The following DPY19L1 variants were observed in gnomAD, a reference collection of about 807,000 sequenced individuals.
The protein encoded by DPY19L1 is protein C-mannosyl-transferase DPY19L1.
In DPY19L1, 35 loss-of-function variants were observed where a neutral mutation model predicts 96.9. The observed-to-expected ratio is 0.36, with a 90% CI of 0.28 to 0.48. DPY19L1 has a LOEUF of 0.48. Among genes scored for constraint, DPY19L1 ranks in the 20% least tolerant of loss-of-function variants. DPY19L1 has a pLI of 0.99. For missense variants in DPY19L1, 521 were observed against 777.9 expected, an observed-to-expected ratio of 0.67 and a Z score of 3.93; for synonymous variants, 205 against 252.6, an observed-to-expected ratio of 0.81 and a Z score of 1.79.
At chr7:34,941,379 A>G (rs760650885) in intron 18 of DPY19L1, among the ~76,000 whole-genome samples, 2 of 152,220 alleles carry the variant, frequency 1.3e-5, no homozygotes, top group Admixed American at 6.5e-5. Context: ...CTGAAAAAAA[A>G]ATAAGTTTGA....
At chr7:34,982,800 A>T (rs1784967547) in intron 7 of DPY19L1, among the ~76,000 whole-genome samples, 1 of 152,226 alleles carries the variant, frequency 6.6e-6, no homozygotes, top group African/African-American at 2.4e-5. Context: ...ATACACACAC[A>T]TGAATCTGGC....
chr7:34,938,019 C>T lies in DPY19L1; in HGVS notation c.2065G>A (p.Glu689Lys), dbSNP rs1248793028. 2 of 1,613,804 alleles carry T rather than the reference C, an allele frequency of 1.2e-6. No individual in the cohort carries two copies. Among genetic ancestry groups the T allele is most frequent in the Non-Finnish European group, 1.7e-6 (2 of 1,179,946 alleles). ...KLKVNYYILE[E>K]SWCVRRSKPG... Reference sequence around the variant, plus strand: ...TTGGATCTTCTTACACACCATGACTCTTCTAGAATGTAATAGTTCACTTTT... The same window carrying T: ...TTGGATCTTCTTACACACCATGACTTTTCTAGAATGTAATAGTTCACTTTT... The change falls in exon 21 of 22, where the codon GAG becomes AAG. Residue 689 changes from glutamate to lysine, a missense_variant. Physicochemically the swap from Glu to Lys is moderately conservative, Grantham distance 56 (BLOSUM62 1). Transcript: ENST00000638088.
intron 13 of DPY19L1, among the ~76,000 whole-genome samples, chr7:34,950,889 T>C (rs538326680): frequency 2.0e-5 from 3 of 152,190 alleles, no homozygotes; most frequent in South Asian, 4.1e-4. Context: ...GATGCTTAAA[T>C]TGGACTTAAG....
intron 6 of DPY19L1, among the ~76,000 whole-genome samples, chr7:34,998,590 C>T (rs188012902): frequency 1.8e-4 from 28 of 152,212 alleles, no homozygotes; most frequent in East Asian, 7.7e-4. Context: ...ATATGTCTCC[C>T]GGACTCTGGC....
intron 6 of DPY19L1, among the ~76,000 whole-genome samples, chr7:34,991,192 G>A (rs746983531): frequency 6.6e-6 from 1 of 152,216 alleles, no homozygotes; most frequent in Non-Finnish European, 1.5e-5. Context: ...AGGAAAGACA[G>A]AAATGTCTGA....
In DPY19L1 at chr7:34,929,581, G is replaced by T. The variant is rs1240659194; in HGVS notation, c.*1992C>A. On this transcript the variant is annotated 3_prime_UTR_variant, in exon 22 of 22. Transcript: ENST00000638088. ...AGAAAAATATAAAATAAATGTAAAA[G>T]TATAATTTTTAAAAATTGTAACTGC... The T allele has an allele frequency of 6.6e-6, 1 of 152,162 alleles. No homozygotes were observed. The highest frequency in any genetic ancestry group is 2.4e-5 in the African/African-American group (1 of 41,438). The allele number at this position is 152,162 out of a possible 1,614,324, so 9.4% of individuals were successfully genotyped here. A position where few individuals can be genotyped will look rare whatever the true frequency, so the allele number is the denominator to read the frequency against.
At chr7:34,978,958 T>C (rs923594776) in intron 7 of DPY19L1, among the ~76,000 whole-genome samples, 2 of 152,124 alleles carry the variant, frequency 1.3e-5, no homozygotes, top group African/African-American at 4.8e-5. Flanking sequence ...CATATTTCAA[T>C]CTGAACTTAT....
At chr7:34,938,962 C>T (rs2128780961) in intron 20 of DPY19L1, 1 of 212,150 alleles carries the variant, frequency 4.7e-6, no homozygotes, top group African/African-American at 2.3e-5. Flanking sequence ...GCTAAACTCC[C>T]CAGGGAGTTA....
chr7:34,985,171 C>T (rs145103221), intron 7 of DPY19L1, among the ~76,000 whole-genome samples: 1 of 152,238 alleles, frequency 6.6e-6, no homozygotes, highest in East Asian at 1.9e-4. Flanking sequence ...CTTTGAAATG[C>T]TACTCCCCTA....
chr7:34,947,388 A>G (rs909255786), intron 15 of DPY19L1, among the ~76,000 whole-genome samples: 1 of 152,212 alleles, frequency 6.6e-6, no homozygotes, highest in African/African-American at 2.4e-5. Context: ...CATGCCTTCC[A>G]AAATACATGA....
chr7:34,959,924 T>TAAATATATATA (rs1562806976), intron 10 of DPY19L1, among the ~76,000 whole-genome samples: 38 of 51,168 alleles, frequency 7.4e-4, no homozygotes, highest in Admixed American at 2.4e-3. Context: ...TATATATATA[T>TAAATATATATA]TTATATATAT....
chr7:35,013,250 G>A (rs1397316024), intron 4 of DPY19L1, among the ~76,000 whole-genome samples: 1 of 152,114 alleles, frequency 6.6e-6, no homozygotes, highest in Non-Finnish European at 1.5e-5. Flanking sequence ...AATTAAATGA[G>A]GAAAGGGAAG....
Position 35,013,728 on chromosome 7 carries a change from T to G in DPY19L1, c.412-23A>C, listed in dbSNP as rs771892671. ...TCCCTGAAATAAAGATATGCTCAATTAAAATAACAAAAGGTACATAATTAT... is the reference window on the plus strand; with the variant it reads ...TCCCTGAAATAAAGATATGCTCAATGAAAATAACAAAAGGTACATAATTAT... On this transcript the variant is annotated intron_variant, in intron 3 of 21. Transcript: ENST00000638088. The G allele has an allele frequency of 2.6e-6, 4 of 1,556,562 alleles. No homozygotes were observed. In the South Asian group the frequency reaches 4.8e-5, roughly 19 times the overall value.
At chr7:34,949,967 A>G in intron 13 of DPY19L1, 69 bp from the exon 14 acceptor site, 2 of 832,628 alleles carry the variant, frequency 2.4e-6, no homozygotes, top group East Asian at 6.0e-5. Flanking sequence ...TTTCAATAGT[A>G]TCTGAAAATA....
intron 6 of DPY19L1, among the ~76,000 whole-genome samples, chr7:34,992,150 G>C (rs1174809387): frequency 6.6e-6 from 1 of 152,156 alleles, no homozygotes; most frequent in Non-Finnish European, 1.5e-5. Flanking sequence ...CCCTCGTGCA[G>C]ACTCATGTGC....
chr7:34,954,904 A>G (rs1317809548), intron 12 of DPY19L1, 126 bp from the exon 13 acceptor site: 1 of 466,508 alleles, frequency 2.1e-6, no homozygotes, highest in African/African-American at 2.1e-5. Flanking sequence ...AAAATGCTAG[A>G]AAATGCATCT....
Position 34,930,197 on chromosome 7 carries a change from T to A in DPY19L1, c.*1376A>T, listed in dbSNP as rs1363984185. ...AAGCTGTATAATTAAATGTGTAGTC[T>A]GTCAGCCATAGTCACGCTTTGCTTA... On this transcript the variant is annotated 3_prime_UTR_variant, in exon 22 of 22. Transcript: ENST00000638088. 30 of 152,228 alleles carry A rather than the reference T, an allele frequency of 2.0e-4. No homozygotes were observed. The highest frequency in any genetic ancestry group is 1.5e-3 in the Admixed American group (23 of 15,280). The allele number at this position is 152,228 out of a possible 1,614,324, so 9.4% of individuals were successfully genotyped here. A position where few individuals can be genotyped will look rare whatever the true frequency, so the allele number is the denominator to read the frequency against.
chr7:34,973,828 G>C (rs1013419241), intron 7 of DPY19L1, among the ~76,000 whole-genome samples: 14 of 152,214 alleles, frequency 9.2e-5, no homozygotes, highest in Middle Eastern at 3.4e-3. Flanking sequence ...TTAATATCAT[G>C]AATTGTCAGG....
rs1785767444 is a variant in DPY19L1, at chr7:35,013,560, T to G, written c.549+8A>C. ...AGTGAAAAATCACAATTGGAAAAAG[T>G]ACCTTACCTCAGGGTAAAGATTGAA... On this transcript the variant is annotated splice_region_variant and intron_variant, in intron 4 of 21. Transcript: ENST00000638088. The G allele has an allele frequency of 1.2e-6, 2 of 1,606,916 alleles. No homozygotes were observed. Among genetic ancestry groups the G allele is most frequent in the South Asian group, 2.2e-5 (2 of 89,972 alleles).
Sources: gnomAD v4.1 joint callset for allele counts (sites outside exome capture counted in the v4.1 genomes callset) on GRCh38, gnomAD v4.1.1 for gene constraint, MANE v1.5 for transcripts, NCBI Gene and HGNC (gene_info 2026-07-23, HGNC 2026-07-21) for gene names.